GKAP1: variants seen among roughly 807,000 people sequenced by gnomAD.
GKAP1 encodes G kinase anchoring protein 1, also known as G kinase-anchoring protein 1.
GKAP1 carries 31 observed loss-of-function variants against 56.7 expected under a neutral mutation model. The observed-to-expected ratio is 0.55, with a 90% CI of 0.41 to 0.74. GKAP1 has a LOEUF of 0.74. Ranked by LOEUF, GKAP1 falls within the 30% of genes least tolerant of loss-of-function variation. The pLI, the probability that GKAP1 is intolerant of heterozygous loss-of-function variation, is 0.00. For synonymous variants in GKAP1, 151 were observed against 138.6 expected, an observed-to-expected ratio of 1.09 and a Z score of -0.63; for missense variants, 364 against 402.3, an observed-to-expected ratio of 0.90 and a Z score of 0.82.
intron 7 of GKAP1, among the ~76,000 whole-genome samples, chr9:83,779,388 A>T (rs765320959): frequency 6.7e-6 from 1 of 149,688 alleles, no homozygotes; most frequent in African/African-American, 2.4e-5. Context: ...TAGCCTGTGA[A>T]GCAAATGTTT....
chr9:83,781,436 T>G (rs1030824802), intron 6 of GKAP1, among the ~76,000 whole-genome samples: 2 of 152,226 alleles, frequency 1.3e-5, no homozygotes, highest in Admixed American at 6.5e-5. Context: ...TTAACAATGC[T>G]TCTTGTGTAC....
At chr9:83,810,518 A>G (rs1289631505) in intron 2 of GKAP1, among the ~76,000 whole-genome samples, 1 of 152,120 alleles carries the variant, frequency 6.6e-6, no homozygotes, top group Non-Finnish European at 1.5e-5. Context: ...ATTTTTTTCC[A>G]TCTAGTTCAG....
At chr9:83,780,318 A>C (rs1196921130) in intron 7 of GKAP1, 64 bp downstream of exon 7, 1 of 932,262 alleles carries the variant, frequency 1.1e-6, no homozygotes, top group Non-Finnish European at 1.7e-6. Context: ...CTTACTGCTA[A>C]GTATTTAAGT....
intron 9 of GKAP1, among the ~76,000 whole-genome samples, chr9:83,749,958 G>A (rs1943360438): frequency 1.3e-5 from 2 of 152,164 alleles, no homozygotes; most frequent in East Asian, 3.9e-4. Context: ...AACTATATTC[G>A]CTATGAATAT....
intron 6 of GKAP1, among the ~76,000 whole-genome samples, chr9:83,783,444 T>C (rs1271307065): frequency 1.3e-5 from 2 of 152,220 alleles, no homozygotes; most frequent in African/African-American, 2.4e-5. Flanking sequence ...TTTTATTAAA[T>C]TGCCACACAT....
In GKAP1 at chr9:83,817,040, C is replaced by T. The variant is rs1422234506; in HGVS notation, c.-88G>A. Reference sequence around the variant, plus strand: ...CAAATTTCACCCATAGGCTGTTAACCGATGCTCCGAAACTTATTCGCAAAG... The same window carrying T: ...CAAATTTCACCCATAGGCTGTTAACTGATGCTCCGAAACTTATTCGCAAAG... On this transcript the variant is annotated 5_prime_UTR_variant, in exon 2 of 13. Transcript: ENST00000376371. 6.6e-6 allele frequency: 1 copy of T among 152,168 alleles called. No individual in the cohort carries two copies. The highest frequency in any genetic ancestry group is 1.5e-5 in the Non-Finnish European group (1 of 68,040). 9.4% of individuals were successfully genotyped at this position (152,168 alleles called of 1,614,324 possible).
rs377667957 is a variant in GKAP1, at chr9:83,739,475, A to C, written c.*222T>G. 2.5e-6 allele frequency: 1 copy of C among 392,268 alleles called. No homozygotes were observed. The highest frequency in any genetic ancestry group is 4.1e-5 in the Admixed American group (1 of 24,188). The allele number at this position is 392,268 out of a possible 1,614,324, so 24.3% of individuals were successfully genotyped here. A position where few individuals can be genotyped will look rare whatever the true frequency, so the allele number is the denominator to read the frequency against. On this transcript the variant is annotated 3_prime_UTR_variant, in exon 13 of 13. Coordinates refer to ENST00000376371, the MANE Select transcript of GKAP1 (RefSeq NM_025211.4). ...CTGATGAAAAACTAAAGTGATAAGAAGTATGGATAGTAGACAACCACTGAA... is the reference window on the plus strand; with the variant it reads ...CTGATGAAAAACTAAAGTGATAAGACGTATGGATAGTAGACAACCACTGAA...
chr9:83,810,588 T>A (rs977888508), intron 2 of GKAP1, among the ~76,000 whole-genome samples: 1 of 152,210 alleles, frequency 6.6e-6, no homozygotes, highest in Admixed American at 6.5e-5. Context: ...TGGTTCTTTA[T>A]GTCAGTAATG....
intron 8 of GKAP1, among the ~76,000 whole-genome samples, chr9:83,755,754 G>C (rs1364970867): frequency 6.8e-6 from 1 of 147,462 alleles, no homozygotes; most frequent in South Asian, 2.1e-4. Flanking sequence ...ATTAAAAAAA[G>C]TACAATCTCA....
chr9:83,765,150 C>G (rs1181517852), intron 8 of GKAP1, among the ~76,000 whole-genome samples: 1 of 152,220 alleles, frequency 6.6e-6, no homozygotes, highest in African/African-American at 2.4e-5. Context: ...TGTGTCCCAG[C>G]TGCTCCAGCC....
chr9:83,768,165 T>G (rs751526104), intron 8 of GKAP1, among the ~76,000 whole-genome samples: 2 of 152,210 alleles, frequency 1.3e-5, no homozygotes, highest in Non-Finnish European at 2.9e-5. Flanking sequence ...ATCTAATCTA[T>G]GTCTCCAGTC....
intron 8 of GKAP1, among the ~76,000 whole-genome samples, chr9:83,757,687 G>A (rs1290488499): frequency 6.6e-6 from 1 of 152,090 alleles, no homozygotes; most frequent in African/African-American, 2.4e-5. Context: ...TGGCATTAAA[G>A]GCAAGAAGCA....
intron 7 of GKAP1, among the ~76,000 whole-genome samples, chr9:83,779,612 T>C (rs200422282): frequency 0.047 from 6,032 of 127,358 alleles, 362 homozygotes; most frequent in East Asian, 0.28. Flanking sequence ...TATACACATA[T>C]ACACACACAC....
At chr9:83,801,621 G>A (rs1202709230) in intron 3 of GKAP1, among the ~76,000 whole-genome samples, 3 of 152,174 alleles carry the variant, frequency 2.0e-5, no homozygotes, top group Non-Finnish European at 4.4e-5. Flanking sequence ...AGCACTGGTA[G>A]GTCAGCTACT....
intron 4 of GKAP1, among the ~76,000 whole-genome samples, chr9:83,796,227 C>T (rs544789296): frequency 2.6e-5 from 4 of 152,108 alleles, no homozygotes; most frequent in East Asian, 3.9e-4. Flanking sequence ...CCACTGCACT[C>T]GGCCTATCAA....
chr9:83,767,376 T>C (rs1373959425), intron 8 of GKAP1, among the ~76,000 whole-genome samples: 5 of 152,134 alleles, frequency 3.3e-5, no homozygotes, highest in East Asian at 1.9e-4. Flanking sequence ...TTTTTTTTTT[T>C]TGAGACGGAG....
In GKAP1 at chr9:83,798,557, C is replaced by T. The variant is rs904392393; in HGVS notation, c.360+628G>A. On this transcript the variant is annotated intron_variant, in intron 4 of 12. Transcript: ENST00000376371. Reference sequence around the variant, plus strand: ...TATGAGACAGGGTCTCACTCTGCTGCCCAGGCTGGAGTGCAGTGACAAAAT... The same window carrying T: ...TATGAGACAGGGTCTCACTCTGCTGTCCAGGCTGGAGTGCAGTGACAAAAT... Among the ~76,000 whole-genome samples the T allele has an allele frequency of 2.6e-5, 4 of 152,296 alleles. No homozygotes were observed. The South Asian group carries it at 8.3e-4, about 32-fold the overall frequency.
At chr9:83,787,145 G>A (rs1323992989) in intron 5 of GKAP1, among the ~76,000 whole-genome samples, 4 of 152,218 alleles carry the variant, frequency 2.6e-5, no homozygotes, top group African/African-American at 9.6e-5. Flanking sequence ...AAAGGGATAT[G>A]GAAATGAAAC....
chr9:83,751,677 C>T (rs1293691779), intron 9 of GKAP1, among the ~76,000 whole-genome samples: 1 of 150,766 alleles, frequency 6.6e-6, no homozygotes. Flanking sequence ...ACATTACAGG[C>T]ACTCAATAAA....
Sources: allele counts gnomAD v4.1 joint callset (sites outside exome capture counted in the v4.1 genomes callset), GRCh38; gene constraint gnomAD v4.1.1; transcripts MANE v1.5; gene names NCBI Gene and HGNC (gene_info 2026-07-23, HGNC 2026-07-21).